SLC28A1: variants seen among roughly 807,000 people sequenced by gnomAD.
The protein encoded by SLC28A1 is solute carrier family 28 member 1, also known as sodium/nucleoside cotransporter 1.
A neutral mutation model predicts 74.8 loss-of-function variants in SLC28A1; 64 were observed. The observed-to-expected ratio is 0.86, with a 90% CI of 0.70 to 1.05. SLC28A1 has a LOEUF of 1.05. Among genes scored for constraint, SLC28A1 ranks in the 50% least tolerant of loss-of-function variants. The pLI is 0.00. For missense variants in SLC28A1, 828 were observed against 822.8 expected, an observed-to-expected ratio of 1.01 and a Z score of -0.08; for synonymous variants, 359 against 335.0, an observed-to-expected ratio of 1.07 and a Z score of -0.78.
Position 84,908,812 on chromosome 15 carries a change from G to A in SLC28A1, c.795+17G>A. The A allele has an allele frequency of 6.2e-7, 1 of 1,608,904 alleles. No homozygotes were observed. Among genetic ancestry groups the A allele is most frequent in the Non-Finnish European group, 8.5e-7 (1 of 1,176,220 alleles). On this transcript the variant is annotated intron_variant, in intron 9 of 18. Transcript: ENST00000394573. ...GCCTTTCAGGTCAGCTTGACTCAGG[G>A]TCCCAGAGGCCTTTAGCAGCCACCG...
intron 4 of SLC28A1, among the ~76,000 whole-genome samples, chr15:84,889,855 T>C (rs574302164): frequency 9.2e-5 from 14 of 151,492 alleles, no homozygotes; most frequent in Non-Finnish European, 1.6e-4. Context: ...CTTCCTTCCT[T>C]TCTCTCTTTT....
chr15:84,910,693 A>G (rs1227050878), intron 9 of SLC28A1, among the ~76,000 whole-genome samples: 2 of 152,120 alleles, frequency 1.3e-5, no homozygotes, highest in Non-Finnish European at 2.9e-5. Context: ...ATGCCATTGC[A>G]CTCCAGCCTG....
At chr15:84,940,634 T>C (rs72754955) in intron 15 of SLC28A1, 1 of 155,278 alleles carries the variant, frequency 6.4e-6, no homozygotes, top group African/African-American at 2.4e-5. Flanking sequence ...TACATCAGGC[T>C]TTCCTTTAGC....
intron 7 of SLC28A1, among the ~76,000 whole-genome samples, 162 bp downstream of exon 7, chr15:84,904,400 G>A (rs574526404): frequency 1.8e-4 from 27 of 152,264 alleles, no homozygotes; most frequent in Admixed American, 1.6e-3. Context: ...GGCTTCCTGT[G>A]AAGAAGAAGT....
intron 8 of SLC28A1, among the ~76,000 whole-genome samples, chr15:84,908,446 A>G (rs1466146422): frequency 6.6e-6 from 1 of 151,974 alleles, no homozygotes; most frequent in Non-Finnish European, 1.5e-5. Flanking sequence ...AGCCTCCCAA[A>G]GTGCTGAGAT....
chr15:84,923,886 C>T (rs1970163964), intron 11 of SLC28A1, 99 bp from the exon 12 acceptor site: 1 of 1,537,088 alleles, frequency 6.5e-7, no homozygotes, highest in Admixed American at 1.7e-5. Flanking sequence ...CCTGCTGCCT[C>T]TTACCGTGGG....
intron 3 of SLC28A1, 27 bp from the exon 4 acceptor site, chr15:84,888,745 G>A (rs1283593918): frequency 5.2e-6 from 8 of 1,532,962 alleles, no homozygotes; most frequent in African/African-American, 2.8e-5. Flanking sequence ...GGGGCAGGCC[G>A]ACCTGACGGC....
chr15:84,898,951 G>A (rs948705638), intron 6 of SLC28A1, among the ~76,000 whole-genome samples: 18 of 152,178 alleles, frequency 1.2e-4, no homozygotes, highest in Admixed American at 9.2e-4. Flanking sequence ...AGATCACAGA[G>A]CAAAGCCCAG....
At chr15:84,939,055 C>T (rs748313512) in intron 15 of SLC28A1, among the ~76,000 whole-genome samples, 32 of 152,174 alleles carry the variant, frequency 2.1e-4, no homozygotes, top group Non-Finnish European at 7.4e-5. Flanking sequence ...TGTGGTGGCT[C>T]ATACCTGTAA....
chr15:84,930,206 T>C (rs1971103289), intron 12 of SLC28A1, among the ~76,000 whole-genome samples: 2 of 152,156 alleles, frequency 1.3e-5, no homozygotes, highest in South Asian at 4.1e-4. Flanking sequence ...AGAGGAAGGG[T>C]CAGGGTCCTG....
chr15:84,971,518 G>A, the SLC28A1 span, among the ~76,000 whole-genome samples: 1 of 152,066 alleles, frequency 6.6e-6, no homozygotes. Context: ...TGCACACACC[G>A]GTTCTCCTTC....
At chr15:84,915,329 A>G (rs1596295928) in intron 9 of SLC28A1, among the ~76,000 whole-genome samples, 1 of 152,304 alleles carries the variant, frequency 6.6e-6, no homozygotes, top group Non-Finnish European at 1.5e-5. Context: ...AAAAGGCCTC[A>G]GCAGGGCTTG....
intron 9 of SLC28A1, among the ~76,000 whole-genome samples, chr15:84,910,476 C>A (rs541899595): frequency 6.6e-6 from 1 of 152,216 alleles, no homozygotes; most frequent in East Asian, 1.9e-4. Flanking sequence ...TGCCTGTAAT[C>A]CTAGCACTTT....
rs1170856263 is a variant in SLC28A1, at chr15:84,889,826, G to T, written c.186-617G>T. On this transcript the variant is annotated intron_variant, in intron 4 of 18. Coordinates refer to ENST00000394573, the MANE Select transcript of SLC28A1 (RefSeq NM_004213.5). ...TTTTCTTTCTTTCTCTTTCTTTCTTGCTTGCTTGCTTTCTCTTCCTTCCTT... is the reference window on the plus strand; with the variant it reads ...TTTTCTTTCTTTCTCTTTCTTTCTTTCTTGCTTGCTTTCTCTTCCTTCCTT... 7.8e-5 allele frequency among the ~76,000 whole-genome samples: 9 copies of T among 115,586 alleles called. No individual in the cohort carries two copies. The East Asian group carries it at 1.8e-3, about 23-fold the overall frequency. The allele number at this position is 115,586 out of a possible 152,430, so 75.8% of individuals were successfully genotyped here.
intron 12 of SLC28A1, among the ~76,000 whole-genome samples, chr15:84,928,527 G>GTTCGTTCTTTCTTTCTTTCT (rs1477267970): frequency 2.1e-5 from 1 of 47,176 alleles, no homozygotes; most frequent in Non-Finnish European, 3.9e-5. Flanking sequence ...AGGTTCGTTC[G>GTTCGTTCTTTCTTTCTTTCT]TTCTTTCTTT....
the SLC28A1 span, among the ~76,000 whole-genome samples, chr15:84,973,850 GGT>G: frequency 2.6e-5 from 4 of 152,128 alleles, no homozygotes; most frequent in Non-Finnish European, 4.4e-5. Flanking sequence ...TGCGACCCTG[GGT>G]GTGTCTAGGC....
In SLC28A1 at chr15:84,890,553, A is replaced by C. The variant is rs762405669; in HGVS notation, c.277+19A>C. The C allele has an allele frequency of 1.3e-6, 2 of 1,580,316 alleles. No homozygotes were observed. Among genetic ancestry groups the C allele is most frequent in the Admixed American group, 1.7e-5 (1 of 59,194 alleles). Reference sequence around the variant, plus strand: ...TGCACTGGTGAGCCTGGGGCCCAGCACTACCCAGGACACAATGACTCCTGC... The same window carrying C: ...TGCACTGGTGAGCCTGGGGCCCAGCCCTACCCAGGACACAATGACTCCTGC... On this transcript the variant is annotated intron_variant, in intron 5 of 18. Transcript: ENST00000394573.
the SLC28A1 span, among the ~76,000 whole-genome samples, chr15:84,970,643 C>T: frequency 6.6e-6 from 1 of 152,024 alleles, no homozygotes; most frequent in Non-Finnish European, 1.5e-5. Flanking sequence ...TTGCTTATGG[C>T]CTAGAGCAAC....
At chr15:84,897,707 A>T (rs913458441) in intron 6 of SLC28A1, among the ~76,000 whole-genome samples, 8 of 152,192 alleles carry the variant, frequency 5.3e-5, no homozygotes, top group African/African-American at 1.9e-4. Flanking sequence ...CACCTTACTG[A>T]TCTATCTGTC....
Sources: allele counts gnomAD v4.1 joint callset (sites outside exome capture counted in the v4.1 genomes callset), GRCh38; gene constraint gnomAD v4.1.1; transcripts MANE v1.5; gene names NCBI Gene and HGNC (gene_info 2026-07-23, HGNC 2026-07-21).